PIK3C2G: variants seen among roughly 807,000 people sequenced by gnomAD.
PIK3C2G encodes phosphatidylinositol-4-phosphate 3-kinase catalytic subunit type 2 gamma.
A neutral mutation model predicts 181.1 loss-of-function variants in PIK3C2G; 168 were observed. The observed-to-expected ratio is 0.93, with a 90% CI of 0.82 to 1.05. The LOEUF (loss-of-function observed/expected upper bound fraction) is 1.05, where lower values mean the gene tolerates loss of function less well. Among genes scored for constraint, PIK3C2G ranks in the 50% least tolerant of loss-of-function variants. The pLI is 0.00. For synonymous variants in PIK3C2G, 573 were observed against 592.2 expected, an observed-to-expected ratio of 0.97 and a Z score of 0.47; for missense variants, 1,869 against 1,732.8, an observed-to-expected ratio of 1.08 and a Z score of -1.40.
intron 16 of PIK3C2G, among the ~76,000 whole-genome samples, chr12:18,405,399 GTT>G (rs1374381999): frequency 0.017 from 2,512 of 145,084 alleles, 73 homozygotes; most frequent in African/African-American, 0.065. Flanking sequence ...CAACATTTGT[GTT>G]GTTGTTGTTG....
At chr12:18,296,065 A>C (rs1478500595) in intron 5 of PIK3C2G, among the ~76,000 whole-genome samples, 1 of 152,218 alleles carries the variant, frequency 6.6e-6, no homozygotes, top group Non-Finnish European at 1.5e-5. Flanking sequence ...GAAAATGCTA[A>C]TTTTCTGATA....
At chr12:18,499,372 T>C (rs1469657104) in intron 22 of PIK3C2G, among the ~76,000 whole-genome samples, 3 of 152,216 alleles carry the variant, frequency 2.0e-5, no homozygotes, top group East Asian at 3.9e-4. Context: ...TCTCAAGAAA[T>C]GTCACAACGT....
Position 18,327,015 on chromosome 12 carries a change from T to C in PIK3C2G, c.1272+1917T>C, listed in dbSNP as rs1190935516. ...TTATGTATGAAGCCTCCTATATTTCTAGTTTGAAAGAAATGATTGACTATT... is the reference window on the plus strand; with the variant it reads ...TTATGTATGAAGCCTCCTATATTTCCAGTTTGAAAGAAATGATTGACTATT... On this transcript the variant is annotated intron_variant, in intron 8 of 32. Coordinates refer to ENST00000538779, the MANE Select transcript of PIK3C2G (RefSeq NM_001288772.2). 2.6e-5 allele frequency among the ~76,000 whole-genome samples: 4 copies of C among 152,258 alleles called. No individual in the cohort carries two copies. In the East Asian group the frequency reaches 7.7e-4, roughly 29 times the overall value.
intron 16 of PIK3C2G, among the ~76,000 whole-genome samples, chr12:18,414,155 C>T (rs1945034888): frequency 6.6e-6 from 1 of 152,120 alleles, no homozygotes; most frequent in African/African-American, 2.4e-5. Flanking sequence ...CTTGCTCTTT[C>T]ACGCAACAAT....
intron 18 of PIK3C2G, among the ~76,000 whole-genome samples, chr12:18,471,137 A>T (rs1938416260): frequency 6.6e-6 from 1 of 152,104 alleles, no homozygotes; most frequent in Non-Finnish European, 1.5e-5. Context: ...CAAATGAAAA[A>T]ACTTGTACTC....
intron 16 of PIK3C2G, 148 bp downstream of exon 16, chr12:18,399,995 T>C (rs1408765095): frequency 2.2e-6 from 1 of 457,130 alleles, no homozygotes; most frequent in African/African-American, 2.0e-5. Context: ...ATGTAAGCTA[T>C]GAATATAAAT....
rs192889876 is a variant in PIK3C2G at position 18,305,426 on chromosome 12, G to A, written c.1035-8536G>A. Among the ~76,000 whole-genome samples the A allele has an allele frequency of 6.1e-3, 932 of 152,204 alleles. 10 individuals carry two copies. The highest frequency in any genetic ancestry group is 9.5e-3 in the Non-Finnish European group (645 of 67,966). On this transcript the variant is annotated intron_variant, in intron 5 of 32. Coordinates refer to ENST00000538779, the MANE Select transcript of PIK3C2G (RefSeq NM_001288772.2). ...AGCTGTTGCAAGAGTGTTCCAAGAA[G>A]ACATGGCAAATTACATGTGAAAGTA...
At chr12:18,597,838 T>C (rs1947463765) in intron 30 of PIK3C2G, among the ~76,000 whole-genome samples, 1 of 151,986 alleles carries the variant, frequency 6.6e-6, no homozygotes, top group Non-Finnish European at 1.5e-5. Flanking sequence ...ATCACAAGCA[T>C]TCTTATACAC....
intron 30 of PIK3C2G, among the ~76,000 whole-genome samples, chr12:18,602,321 C>T (rs1241876025): frequency 6.6e-6 from 1 of 151,888 alleles, no homozygotes; most frequent in Non-Finnish European, 1.5e-5. Flanking sequence ...CTCCTAGGCA[C>T]ATAACTCCAG....
chr12:18,607,450 A>G (rs2136578868), intron 30 of PIK3C2G, among the ~76,000 whole-genome samples: 1 of 152,284 alleles, frequency 6.6e-6, no homozygotes, highest in East Asian at 1.9e-4. Flanking sequence ...GAAATGGGGA[A>G]AGGATTCCCT....
At chr12:18,614,280 G>A (rs1948489500) in intron 31 of PIK3C2G, among the ~76,000 whole-genome samples, 2 of 152,116 alleles carry the variant, frequency 1.3e-5, no homozygotes, top group African/African-American at 4.8e-5. Flanking sequence ...TACCTGTCCA[G>A]ATCTGGATAT....
chr12:18,632,970 A>C (rs1326892549), intron 31 of PIK3C2G, among the ~76,000 whole-genome samples: 1 of 146,868 alleles, frequency 6.8e-6, no homozygotes, highest in Non-Finnish European at 1.6e-5. Context: ...GACACATTAA[A>C]TTAACCATCA....
intron 20 of PIK3C2G, among the ~76,000 whole-genome samples, chr12:18,494,558 T>C (rs942140714): frequency 6.6e-6 from 1 of 152,122 alleles, no homozygotes; most frequent in East Asian, 1.9e-4. Context: ...AAAACCAAGA[T>C]GTGAAACAAT....
intron 9 of PIK3C2G, among the ~76,000 whole-genome samples, chr12:18,343,080 T>C (rs1199636233): frequency 6.6e-6 from 1 of 152,086 alleles, no homozygotes; most frequent in Non-Finnish European, 1.5e-5. Flanking sequence ...GACAATCTGT[T>C]GTGGTAATTT....
At chr12:18,308,540 CTA>C (rs1320717586) in intron 5 of PIK3C2G, among the ~76,000 whole-genome samples, 1 of 150,904 alleles carries the variant, frequency 6.6e-6, no homozygotes, top group Non-Finnish European at 1.5e-5. Flanking sequence ...GCTCCTTTAT[CTA>C]TCTCTGCTTG....
intron 25 of PIK3C2G, among the ~76,000 whole-genome samples, chr12:18,545,824 C>T (rs535809686): frequency 6.6e-6 from 1 of 152,030 alleles, no homozygotes; most frequent in South Asian, 2.1e-4. Context: ...CTGGACATAT[C>T]ACTTACAGTT....
chr12:18,437,847 G>T (rs55693434), intron 18 of PIK3C2G, among the ~76,000 whole-genome samples: 36,546 of 151,698 alleles, frequency 0.24, 4,683 homozygotes, highest in Admixed American at 0.35. Context: ...ACTGGTAGAC[G>T]TCAGTGAACA....
At chr12:18,331,234 C>T (rs1456349925) in intron 8 of PIK3C2G, among the ~76,000 whole-genome samples, 10 of 151,936 alleles carry the variant, frequency 6.6e-5, no homozygotes, top group Admixed American at 6.6e-4. Context: ...GCTACGATTG[C>T]GTTGAATATA....
chr12:18,400,764 C>T (rs951776805), intron 16 of PIK3C2G, among the ~76,000 whole-genome samples: 2 of 151,934 alleles, frequency 1.3e-5, no homozygotes, highest in Admixed American at 6.6e-5. Flanking sequence ...CACCCAAGCT[C>T]GAAATTTACA....
Sources: allele counts gnomAD v4.1 joint callset (sites outside exome capture counted in the v4.1 genomes callset), GRCh38; gene constraint gnomAD v4.1.1; transcripts MANE v1.5; gene names NCBI Gene and HGNC (gene_info 2026-07-23, HGNC 2026-07-21).